The following MMP26 variants were observed in gnomAD, a reference collection of about 807,000 sequenced individuals.
The protein encoded by MMP26 is matrix metalloproteinase-26.
A neutral mutation model predicts 31.0 loss-of-function variants in MMP26; 33 were observed. The ratio of observed to expected loss-of-function variants is 1.06; its 90% confidence interval spans 0.81 to 1.42. The LOEUF (loss-of-function observed/expected upper bound fraction) is 1.42, where lower values mean the gene tolerates loss of function less well. Among genes scored for constraint, MMP26 ranks in the 40% most tolerant of loss-of-function variants. The pLI is 0.00. For synonymous variants in MMP26, 122 were observed against 114.9 expected, an observed-to-expected ratio of 1.06 and a Z score of -0.40; for missense variants, 347 against 316.1, an observed-to-expected ratio of 1.10 and a Z score of -0.74.
Position 4,952,191 on chromosome 11 carries a change from T to C in MMP26, c.-144-35877T>C, listed in dbSNP as rs779789481. ...CATTCATGTATCTGTATTTTATTTT[T>C]CATTTTATTTTATTAAGACTGCCCA... On this transcript the variant is annotated intron_variant, in intron 2 of 7. Transcript: ENST00000380390. Among the ~76,000 whole-genome samples, 2 of 125,248 alleles carry C rather than the reference T, an allele frequency of 1.6e-5. 1 individual carries two copies. The highest frequency in any genetic ancestry group is 5.4e-5 in the African/African-American group (2 of 36,890). 82.2% of individuals were successfully genotyped at this position (125,248 alleles called of 152,430 possible).
intron 2 of MMP26, chr11:4,877,430 T>C (rs1850398834): frequency 2.0e-5 from 3 of 152,286 alleles, no homozygotes; most frequent in South Asian, 2.1e-4. Flanking sequence ...CTCAATCCCA[T>C]TGTGTACAGT....
intron 2 of MMP26, among the ~76,000 whole-genome samples, chr11:4,779,787 C>T (rs780865601): frequency 2.6e-4 from 40 of 152,044 alleles, no homozygotes; most frequent in Admixed American, 3.9e-4. Context: ...TCCTAGCAAA[C>T]GGAATAGAAC....
At chr11:4,885,733 A>G (rs934935399) in intron 2 of MMP26, among the ~76,000 whole-genome samples, 21 of 152,126 alleles carry the variant, frequency 1.4e-4, no homozygotes, top group African/African-American at 5.1e-4. Context: ...TTATAAATTA[A>G]GATAATAGTT....
intron 2 of MMP26, among the ~76,000 whole-genome samples, chr11:4,981,268 T>C (rs1209404611): frequency 6.6e-6 from 1 of 152,132 alleles, no homozygotes; most frequent in Non-Finnish European, 1.5e-5. Flanking sequence ...CATACAACGC[T>C]TAATGATAGA....
intron 2 of MMP26, among the ~76,000 whole-genome samples, chr11:4,777,806 C>T (rs1006062972): frequency 1.3e-5 from 2 of 152,042 alleles, no homozygotes; most frequent in African/African-American, 2.4e-5. Flanking sequence ...AATGTTCCAG[C>T]GTATGACTAT....
chr11:4,935,542 T>C (rs1174382288), intron 2 of MMP26, among the ~76,000 whole-genome samples: 1 of 151,818 alleles, frequency 6.6e-6, no homozygotes, highest in Non-Finnish European at 1.5e-5. Flanking sequence ...TTTGACTTCC[T>C]CTTTTCCTAA....
intron 4 of MMP26, among the ~76,000 whole-genome samples, chr11:4,990,269 G>C (rs1477576060): frequency 2.6e-5 from 4 of 152,100 alleles, no homozygotes; most frequent in Non-Finnish European, 5.9e-5. Flanking sequence ...AATTTATGTA[G>C]AATGCTGTAT....
intron 2 of MMP26, chr11:4,848,134 C>G: frequency 8.2e-7 from 1 of 1,225,466 alleles, no homozygotes; most frequent in Middle Eastern, 2.2e-4. Context: ...CATATATGCA[C>G]TTATGTGTAC....
chr11:4,972,455 T>C (rs1402314125), intron 2 of MMP26, among the ~76,000 whole-genome samples: 2 of 152,210 alleles, frequency 1.3e-5, no homozygotes. Flanking sequence ...TTTTCATGTA[T>C]GCATGTTAGT....
intron 2 of MMP26, among the ~76,000 whole-genome samples, chr11:4,896,009 C>G (rs1407518392): frequency 6.6e-6 from 1 of 152,104 alleles, no homozygotes; most frequent in Non-Finnish European, 1.5e-5. Context: ...GCAAAGATAA[C>G]TCCAAGATAA....
At chr11:4,750,648 C>G (rs1848436067) in intron 1 of MMP26, among the ~76,000 whole-genome samples, 1 of 151,920 alleles carries the variant, frequency 6.6e-6, no homozygotes, top group Non-Finnish European at 1.5e-5. Flanking sequence ...AGGACATTAT[C>G]TTAAATGAAA....
chr11:4,855,885 T>C (rs1850044272), intron 2 of MMP26, among the ~76,000 whole-genome samples: 1 of 152,126 alleles, frequency 6.6e-6, no homozygotes, highest in Admixed American at 6.6e-5. Flanking sequence ...TGGCAGAAAC[T>C]CTACAAGCCA....
At chr11:4,957,963 C>T (rs1225190572) in intron 2 of MMP26, among the ~76,000 whole-genome samples, 1 of 152,136 alleles carries the variant, frequency 6.6e-6, no homozygotes, top group African/African-American at 2.4e-5. Flanking sequence ...TTAGAAGCTT[C>T]AGAGGCTTAA....
At chr11:4,758,820 A>G (rs1848536607) in intron 1 of MMP26, among the ~76,000 whole-genome samples, 1 of 152,106 alleles carries the variant, frequency 6.6e-6, no homozygotes, top group African/African-American at 2.4e-5. Context: ...TTAAAAAATG[A>G]CAAAAAATTG....
At chr11:4,952,605 C>T (rs115346270) in intron 2 of MMP26, among the ~76,000 whole-genome samples, 2,372 of 125,046 alleles carry the variant, frequency 0.019, 527 homozygotes, top group African/African-American at 0.061. Flanking sequence ...CTAAAATGTA[C>T]TCAAGATAAT....
At chr11:4,890,909 A>G (rs564706905) in intron 2 of MMP26, among the ~76,000 whole-genome samples, 2 of 151,114 alleles carry the variant, frequency 1.3e-5, no homozygotes, top group African/African-American at 4.8e-5. Flanking sequence ...ACCTTACCCC[A>G]TTTCAATGAC....
At chr11:4,706,577 C>CAAAAAAAAAAAAAAAAAAAAA in intron 1 of MMP26, among the ~76,000 whole-genome samples, 1 of 87,568 alleles carries the variant, frequency 1.1e-5, no homozygotes, top group Admixed American at 1.3e-4. Flanking sequence ...GACCCTATCT[C>CAAAAAAAAAAAAAAAAAAAAA]AAAAAAAAAA....
At chr11:4,778,819 C>G (rs1848822334) in intron 2 of MMP26, among the ~76,000 whole-genome samples, 2 of 151,908 alleles carry the variant, frequency 1.3e-5, no homozygotes, top group Non-Finnish European at 1.5e-5. Context: ...ATATTTGATT[C>G]TCAGTTGCAT....
intron 1 of MMP26, among the ~76,000 whole-genome samples, chr11:4,749,768 C>A (rs1398004730): frequency 6.6e-6 from 1 of 152,020 alleles, no homozygotes; most frequent in Non-Finnish European, 1.5e-5. Flanking sequence ...TCACCATATA[C>A]AAAATTTAAC....
Sources: allele counts gnomAD v4.1 joint callset (sites outside exome capture counted in the v4.1 genomes callset), GRCh38; gene constraint gnomAD v4.1.1; transcripts MANE v1.5; gene names NCBI Gene and HGNC (gene_info 2026-07-23, HGNC 2026-07-21).